GMDS: variants seen among roughly 807,000 people sequenced by gnomAD.
GMDS encodes GDP-mannose 4,6-dehydratase, also known as GDP-mannose 4,6 dehydratase.
In GMDS, 20 loss-of-function variants were observed where a neutral mutation model predicts 49.9. The ratio of observed to expected loss-of-function variants is 0.40; its 90% confidence interval spans 0.28 to 0.58. GMDS has a LOEUF of 0.58. GMDS is among the 20% of genes least tolerant of loss of function. The pLI is 0.42. For synonymous variants in GMDS, 177 were observed against 178.6 expected, an observed-to-expected ratio of 0.99 and a Z score of 0.07; for missense variants, 362 against 481.4, an observed-to-expected ratio of 0.75 and a Z score of 2.32.
chr6:1,984,962 T>TGGGA (rs1463017794), intron 4 of GMDS, among the ~76,000 whole-genome samples: 2 of 152,142 alleles, frequency 1.3e-5, no homozygotes, highest in Non-Finnish European at 2.9e-5. Context: ...AAGGCAAAGG[T>TGGGA]GGGATTTCAG....
At chr6:1,769,877 C>A (rs1192566367) in intron 7 of GMDS, among the ~76,000 whole-genome samples, 4 of 152,050 alleles carry the variant, frequency 2.6e-5, no homozygotes, top group Non-Finnish European at 4.4e-5. Context: ...TGGGCGTGGA[C>A]CACCAGGCCT....
intron 1 of GMDS, among the ~76,000 whole-genome samples, chr6:2,186,876 T>A (rs1283998728): frequency 6.6e-6 from 1 of 152,242 alleles, no homozygotes; most frequent in East Asian, 1.9e-4. Context: ...TACGTGTACA[T>A]ATATTTCATA....
At chr6:1,723,596 A>G (rs9378653) in intron 9 of GMDS, among the ~76,000 whole-genome samples, 1 of 149,466 alleles carries the variant, frequency 6.7e-6, no homozygotes, top group African/African-American at 2.5e-5. Context: ...CTTTATGGCA[A>G]TTTTTTTTTC....
At chr6:2,142,378 A>C (rs931652186) in intron 1 of GMDS, among the ~76,000 whole-genome samples, 1 of 152,186 alleles carries the variant, frequency 6.6e-6, no homozygotes, top group Admixed American at 6.5e-5. Context: ...GTCATACTAA[A>C]GTAGGTGGCC....
intron 4 of GMDS, among the ~76,000 whole-genome samples, chr6:1,995,758 G>A (rs551315255): frequency 6.6e-6 from 1 of 152,320 alleles, no homozygotes; most frequent in Non-Finnish European, 1.5e-5. Flanking sequence ...CTCAGGGCAC[G>A]TGGCTTGGGA....
At chr6:2,020,635 A>G (rs1241150014) in intron 4 of GMDS, among the ~76,000 whole-genome samples, 1 of 152,156 alleles carries the variant, frequency 6.6e-6, no homozygotes, top group Non-Finnish European at 1.5e-5. Context: ...AAAAAATCAA[A>G]ATCAGAGAGC....
rs149598909 is a variant in GMDS, at chr6:1,735,594, G to A, written c.890+6874C>T. On this transcript the variant is annotated intron_variant, in intron 8 of 10. Coordinates refer to ENST00000380815, the MANE Select transcript of GMDS (RefSeq NM_001500.4). ...AGTGTGGCCAGGCTGTTCCACCCTC[G>A]CTCATCAGCTTACCCAGTGCCCACA... 2.1e-4 allele frequency among the ~76,000 whole-genome samples: 32 copies of A among 152,234 alleles called. No individual in the cohort carries two copies. In the East Asian group the frequency reaches 4.6e-3, roughly 22 times the overall value.
chr6:1,745,708 C>T (rs1180974858), intron 7 of GMDS, among the ~76,000 whole-genome samples: 7 of 152,162 alleles, frequency 4.6e-5, no homozygotes, highest in African/African-American at 1.7e-4. Flanking sequence ...AGACTCCAGT[C>T]TGGGAATGAG....
chr6:2,000,165 A>G (rs1055596249), intron 4 of GMDS, among the ~76,000 whole-genome samples: 1 of 141,092 alleles, frequency 7.1e-6, no homozygotes, highest in African/African-American at 2.6e-5. Context: ...CTCCCCAAGT[A>G]GCTGGGACTA....
intron 4 of GMDS, among the ~76,000 whole-genome samples, chr6:2,064,768 G>C (rs573444868): frequency 5.3e-4 from 81 of 152,138 alleles, no homozygotes; most frequent in Non-Finnish European, 8.7e-4. Context: ...AGAAAACCTA[G>C]GCTGATTTCG....
chr6:1,790,285 T>C (rs534407682), intron 7 of GMDS, among the ~76,000 whole-genome samples: 2 of 152,296 alleles, frequency 1.3e-5, no homozygotes, highest in Admixed American at 1.3e-4. Flanking sequence ...TTAGCAATAA[T>C]AATAATAAGA....
At chr6:2,219,798 C>T (rs972797953) in intron 1 of GMDS, among the ~76,000 whole-genome samples, 9 of 152,144 alleles carry the variant, frequency 5.9e-5, no homozygotes, top group African/African-American at 1.7e-4. Context: ...GGGTCACTTC[C>T]GTTTTCTTCA....
At chr6:1,692,007 C>A (rs941371981) in intron 9 of GMDS, among the ~76,000 whole-genome samples, 1 of 152,146 alleles carries the variant, frequency 6.6e-6, no homozygotes, top group African/African-American at 2.4e-5. Context: ...AGCAGACCCA[C>A]CCTCAGTCTG....
At chr6:1,784,529 G>A (rs970240245) in intron 7 of GMDS, among the ~76,000 whole-genome samples, 1 of 152,038 alleles carries the variant, frequency 6.6e-6, no homozygotes, top group Non-Finnish European at 1.5e-5. Flanking sequence ...AGGGGAGAGA[G>A]GAGACAGCAG....
chr6:1,747,353 C>T (rs56252400), intron 7 of GMDS, among the ~76,000 whole-genome samples: 13,720 of 152,142 alleles, frequency 0.09, 1,995 homozygotes, highest in African/African-American at 0.31. Flanking sequence ...CCATGAATAA[C>T]AAGATTTGTT....
intron 1 of GMDS, among the ~76,000 whole-genome samples, chr6:2,217,158 G>A (rs1375079569): frequency 1.3e-5 from 2 of 152,088 alleles, no homozygotes; most frequent in Non-Finnish European, 2.9e-5. Context: ...GGTCACTAGA[G>A]GGACAGAGAT....
intron 7 of GMDS, among the ~76,000 whole-genome samples, chr6:1,920,035 T>C (rs114277132): frequency 6.6e-6 from 1 of 152,164 alleles, no homozygotes; most frequent in Non-Finnish European, 1.5e-5. Context: ...ATAAGGAGAA[T>C]CTTTGTGGCA....
intron 7 of GMDS, among the ~76,000 whole-genome samples, chr6:1,843,694 T>A (rs528630157): frequency 6.6e-6 from 1 of 152,228 alleles, no homozygotes; most frequent in Non-Finnish European, 1.5e-5. Context: ...CTTGAACCCA[T>A]GAGGTGGAGG....
In GMDS at chr6:1,867,026, A is replaced by G. The variant is rs531484909; in HGVS notation, c.771+63077T>C. ...GTGTTACATTTCAATTTATGTAAAA[A>G]TTATGCTCCTGACAAATTACATGGA... On this transcript the variant is annotated intron_variant, in intron 7 of 10. Transcript: ENST00000380815. Among the ~76,000 whole-genome samples, 3 of 152,380 alleles carry G rather than the reference A, an allele frequency of 2.0e-5. No homozygotes were observed. In the East Asian group the frequency reaches 5.8e-4, roughly 29 times the overall value.
Sources: allele counts gnomAD v4.1 joint callset (sites outside exome capture counted in the v4.1 genomes callset), GRCh38; gene constraint gnomAD v4.1.1; transcripts MANE v1.5; gene names NCBI Gene and HGNC (gene_info 2026-07-23, HGNC 2026-07-21).